ROBO1: variants seen among roughly 807,000 people sequenced by gnomAD.
The protein encoded by ROBO1 is roundabout guidance receptor 1, also known as roundabout homolog 1.
In ROBO1, 149 loss-of-function variants were observed where a neutral mutation model predicts 195.9. That is an observed-to-expected ratio of 0.76 (90% CI 0.67 to 0.87). The LOEUF is 0.87. Among genes scored for constraint, ROBO1 ranks in the 40% least tolerant of loss-of-function variants. The pLI, the probability that ROBO1 is intolerant of heterozygous loss-of-function variation, is 0.00. For synonymous variants in ROBO1, 816 were observed against 733.2 expected, an observed-to-expected ratio of 1.11 and a Z score of -1.82; for missense variants, 1,933 against 2,068.3, an observed-to-expected ratio of 0.93 and a Z score of 1.27.
chr3:79,354,120 C>T (rs1319631917), intron 2 of ROBO1, among the ~76,000 whole-genome samples: 1 of 152,050 alleles, frequency 6.6e-6, no homozygotes, highest in Non-Finnish European at 1.5e-5. Flanking sequence ...GCTGCCACAT[C>T]TAATACTATT....
intron 2 of ROBO1, among the ~76,000 whole-genome samples, chr3:79,502,646 C>A (rs927586996): frequency 4.6e-5 from 7 of 152,128 alleles, no homozygotes; most frequent in Non-Finnish European, 8.8e-5. Flanking sequence ...CACCTGCCGC[C>A]CCATGCGAGA....
intron 23 of ROBO1, chr3:78,634,586 GC>G: frequency 3.7e-6 from 1 of 269,796 alleles, no homozygotes; most frequent in Non-Finnish European, 8.2e-6. Context: ...AAATATTTGT[GC>G]GGAGGCTCTC....
intron 8 of ROBO1, among the ~76,000 whole-genome samples, chr3:78,698,110 T>C (rs2081342129): frequency 6.6e-6 from 1 of 152,162 alleles, no homozygotes; most frequent in Admixed American, 6.5e-5. Context: ...TACACTAGAA[T>C]TGTAAATACC....
chr3:79,603,628 C>A (rs1944402138), intron 1 of ROBO1, among the ~76,000 whole-genome samples: 1 of 151,978 alleles, frequency 6.6e-6, no homozygotes, highest in Admixed American at 6.6e-5. Context: ...ATACTAAAAC[C>A]TCATAAAACC....
chr3:79,624,064 T>C (rs1457792386), intron 1 of ROBO1, among the ~76,000 whole-genome samples: 1 of 152,052 alleles, frequency 6.6e-6, no homozygotes, highest in Non-Finnish European at 1.5e-5. Context: ...AAGAAAATAA[T>C]TTTCAACCCA....
intron 1 of ROBO1, among the ~76,000 whole-genome samples, chr3:79,605,676 G>A (rs1181699382): frequency 6.6e-6 from 1 of 151,794 alleles, no homozygotes; most frequent in East Asian, 1.9e-4. Context: ...CTTAAGCATC[G>A]CCATCCTCCC....
At chr3:78,846,944 A>G (rs2033707976) in intron 4 of ROBO1, among the ~76,000 whole-genome samples, 1 of 152,158 alleles carries the variant, frequency 6.6e-6, no homozygotes, top group African/African-American at 2.4e-5. Context: ...TTTAGCTTTC[A>G]GATCCAAGGG....
chr3:78,939,699 G>A (rs912072497), intron 3 of ROBO1, among the ~76,000 whole-genome samples: 2 of 150,666 alleles, frequency 1.3e-5, no homozygotes, highest in Non-Finnish European at 2.9e-5. Context: ...TGTCCTTTAT[G>A]TAGACTTTTA....
Position 78,662,081 on chromosome 3 carries a change from T to C in ROBO1, c.2000A>G (p.Lys667Arg), listed in dbSNP as rs921020738. 1.0e-5 allele frequency: 16 copies of C among 1,574,310 alleles called. No homozygotes were observed. The highest frequency in any genetic ancestry group is 2.3e-5 in the East Asian group (1 of 43,144). ...VLPTSQGVDH[K>R]QVQRELGNAV... ...ATTTCCCAGCTCTCTCTGGACCTGC[T>C]TGTGGTCCACCCCCTGACTTGTTGG... Residue 667 changes from lysine to arginine, a missense_variant, in exon 15 of 31, where the codon AAG becomes AGG. By Grantham distance (26) the Lys-to-Arg change is conservative (BLOSUM62 2). Coordinates refer to ENST00000464233, the MANE Select transcript of ROBO1 (RefSeq NM_002941.4).
chr3:79,766,254 T>C (rs1704984017), intron 1 of ROBO1, among the ~76,000 whole-genome samples: 1 of 151,734 alleles, frequency 6.6e-6, no homozygotes, highest in African/African-American at 2.4e-5. Flanking sequence ...TGCCCTAAAT[T>C]GCTTGTTTTC....
chr3:79,103,680 A>G (rs1293582137), intron 3 of ROBO1, among the ~76,000 whole-genome samples: 1 of 151,748 alleles, frequency 6.6e-6, no homozygotes, highest in Non-Finnish European at 1.5e-5. Context: ...TATCACATCT[A>G]AAGTCTCTTT....
At chr3:79,657,730 A>G (rs1946209743) in intron 1 of ROBO1, among the ~76,000 whole-genome samples, 1 of 152,144 alleles carries the variant, frequency 6.6e-6, no homozygotes, top group Non-Finnish European at 1.5e-5. Flanking sequence ...GCCAATTTTT[A>G]TATATAACTT....
intron 2 of ROBO1, among the ~76,000 whole-genome samples, chr3:79,393,630 A>G (rs897589165): frequency 3.3e-5 from 5 of 152,308 alleles, no homozygotes; most frequent in South Asian, 4.1e-4. Flanking sequence ...GACAGGCCCA[A>G]TGACCTGCTA....
rs531821420 is a variant in ROBO1, at chr3:78,707,704, C to A, written c.1045+6693G>T. On this transcript the variant is annotated intron_variant, in intron 8 of 30. Transcript: ENST00000464233. ...CATCACCTGGTTTGGCAATGTTTAGCACCTGCCTTTTCTTTGAACAGAGCT... is the reference window on the plus strand; with the variant it reads ...CATCACCTGGTTTGGCAATGTTTAGAACCTGCCTTTTCTTTGAACAGAGCT... 1.7e-3 allele frequency among the ~76,000 whole-genome samples: 264 copies of A among 152,270 alleles called. 2 individuals carry two copies. The highest frequency in any genetic ancestry group is 6.1e-3 in the African/African-American group (255 of 41,566).
chr3:79,490,640 T>G (rs1421330648), intron 2 of ROBO1, among the ~76,000 whole-genome samples: 1 of 152,160 alleles, frequency 6.6e-6, no homozygotes, highest in Non-Finnish European at 1.5e-5. Flanking sequence ...AATTTCGAAG[T>G]GTTGCTTGGC....
chr3:79,043,074 A>G (rs1030192340), intron 3 of ROBO1, among the ~76,000 whole-genome samples: 3 of 152,158 alleles, frequency 2.0e-5, no homozygotes, highest in Non-Finnish European at 1.5e-5. Flanking sequence ...AATCCAAAAA[A>G]TTACACTAAT....
chr3:78,719,057 A>G (rs2081979692), intron 5 of ROBO1, among the ~76,000 whole-genome samples: 1 of 152,216 alleles, frequency 6.6e-6, no homozygotes. Context: ...CCAAGTCTTT[A>G]AATATTAGAG....
rs764427434 is a variant in ROBO1 at position 79,125,496 on chromosome 3, G to C, written c.132C>G (p.Ile44Met). Residue 44 changes from isoleucine to methionine, a missense_variant, in exon 3 of 31, where the codon ATC (isoleucine) becomes ATG (methionine). Physicochemically the swap from Ile to Met is conservative, Grantham distance 10. Around this residue, in one of 3 missense-constraint regions of ROBO1, gnomAD observed 185 missense variants for 159.5 expected, o/e 1.16. Coordinates refer to ENST00000464233, the MANE Select transcript of ROBO1 (RefSeq NM_002941.4). Reference protein sequence around the residue: ...VERGNDHGTPIPTSDNDDNSL... With the variant: ...VERGNDHGTPMPTSDNDDNSL... ...AATTGTCATCGTTATCAGAGGTGGGGATTGGCGTCCCGTGGTCGTTCCCCC... is the reference window on the plus strand; with the variant it reads ...AATTGTCATCGTTATCAGAGGTGGGCATTGGCGTCCCGTGGTCGTTCCCCC... 12 of 1,613,562 alleles carry C rather than the reference G, an allele frequency of 7.4e-6. No homozygotes were observed. The Admixed American group carries it at 2.0e-4, about 27-fold the overall frequency.
chr3:79,541,354 C>A (rs1942058100), intron 2 of ROBO1, among the ~76,000 whole-genome samples: 3 of 152,034 alleles, frequency 2.0e-5, no homozygotes, highest in African/African-American at 7.2e-5. Context: ...AAATTACCCA[C>A]AACAGCCAGT....
Sources: allele counts gnomAD v4.1 joint callset (sites outside exome capture counted in the v4.1 genomes callset), GRCh38; gene constraint gnomAD v4.1.1; regional missense constraint gnomAD v4.1.1; transcripts MANE v1.5; gene names NCBI Gene and HGNC (gene_info 2026-07-23, HGNC 2026-07-21).